The following STOML3 variants were observed in gnomAD, a reference collection of about 807,000 sequenced individuals.
STOML3 encodes stomatin like 3, also known as stomatin-like protein 3.
In STOML3, 31 loss-of-function variants were observed where a neutral mutation model predicts 29.5. That is an observed-to-expected ratio of 1.05 (90% CI 0.79 to 1.42). The LOEUF is 1.42. Among genes scored for constraint, STOML3 ranks in the 40% most tolerant of loss-of-function variants. STOML3 has a pLI of 0.00. For missense variants in STOML3, 380 were observed against 363.0 expected, an observed-to-expected ratio of 1.05 and a Z score of -0.38; for synonymous variants, 122 against 139.8, an observed-to-expected ratio of 0.87 and a Z score of 0.90.
rs752582769 is a variant in STOML3, at chr13:38,968,524, T to A, written c.527A>T (p.Asp176Val). 3 of 1,613,988 alleles carry A rather than the reference T, an allele frequency of 1.9e-6. No individual in the cohort carries two copies. Residue 176 changes from aspartate to valine, a missense_variant, in exon 6 of 7, where the codon GAT becomes GTT. Transcript: ENST00000379631. The stretch of plus-strand genomic sequence containing the variant: ...GATCCCCCACAGTTCGGTGGCATCA[T>A]CAAGTAAAGTCTGTTTCCAAATTAA... Reference protein sequence around the residue: ...EIAHSIQTLLDDATELWGIRV... With the variant: ...EIAHSIQTLLVDATELWGIRV...
chr13:38,981,266 G>A (rs1881259453), intron 1 of STOML3, among the ~76,000 whole-genome samples: 1 of 152,102 alleles, frequency 6.6e-6, no homozygotes, highest in South Asian at 2.1e-4. Context: ...AGGGAGTGAG[G>A]CAAAGCCAAG....
chr13:38,985,506 C>A (rs375749783), intron 1 of STOML3, among the ~76,000 whole-genome samples: 11 of 152,022 alleles, frequency 7.2e-5, no homozygotes, highest in East Asian at 3.8e-4. Flanking sequence ...CTTCTTTCTC[C>A]CCATTCTCCC....
chr13:38,986,267 T>G (rs929282027), intron 1 of STOML3, among the ~76,000 whole-genome samples: 12 of 151,988 alleles, frequency 7.9e-5, no homozygotes, highest in Non-Finnish European at 1.2e-4. Flanking sequence ...ACTCCTGACC[T>G]CAGGTGATCC....
chr13:38,974,976 A>G (rs1041928171), intron 3 of STOML3, among the ~76,000 whole-genome samples: 2 of 152,176 alleles, frequency 1.3e-5, no homozygotes, highest in Admixed American at 6.5e-5. Flanking sequence ...AAGAACATCT[A>G]TAAGTAGTTT....
chr13:38,970,158 C>T (rs765830392), intron 5 of STOML3, 27 bp downstream of exon 5: 12 of 1,583,372 alleles, frequency 7.6e-6, no homozygotes, highest in Non-Finnish European at 1.0e-5. Context: ...GTTAAAGATA[C>T]AGGCTATTAG....
intron 6 of STOML3, 99 bp downstream of exon 6, chr13:38,968,301 G>T: frequency 6.7e-7 from 1 of 1,491,054 alleles, no homozygotes; most frequent in Non-Finnish European, 9.0e-7. Context: ...CCTTTCTCAT[G>T]CAAATAATTG....
chr13:38,990,290 T>C lies in STOML3; in HGVS notation c.52+380A>G, dbSNP rs141830335. Among the ~76,000 whole-genome samples, 396 of 152,146 alleles carry C rather than the reference T, an allele frequency of 2.6e-3. 1 individual carries two copies. Among genetic ancestry groups the C allele is most frequent in the African/African-American group, 9.2e-3 (380 of 41,496 alleles). On this transcript the variant is annotated intron_variant, in intron 1 of 6. Coordinates refer to ENST00000379631, the MANE Select transcript of STOML3 (RefSeq NM_145286.3). ...TGTTATTTAATACAAAAAGAAGAAA[T>C]ACAAAGATAAACACCAATTCTATCT...
chr13:38,979,937 C>A, intron 1 of STOML3: 1 of 1,046,988 alleles, frequency 9.6e-7, no homozygotes. Context: ...GGGACTCCAA[C>A]AGGACACCAG....
chr13:38,982,306 TTTTC>T (rs1313763482), intron 1 of STOML3, among the ~76,000 whole-genome samples: 3 of 152,036 alleles, frequency 2.0e-5, no homozygotes, highest in African/African-American at 7.2e-5. Context: ...ATAAATTCTT[TTTTC>T]TTTGTTTTTA....
intron 1 of STOML3, among the ~76,000 whole-genome samples, chr13:38,988,915 AAT>A (rs67430868): frequency 7.0e-6 from 1 of 143,684 alleles, no homozygotes. Flanking sequence ...TAGAATACAT[AAT>A]ATATATACTA....
rs747673142 is a variant in STOML3 at position 38,972,559 on chromosome 13, C to T, written c.265G>A (p.Val89Ile). ...ILVLPCIDVF[V>I]KVDLRTVTCN... The stretch of plus-strand genomic sequence containing the variant: ...GTAACTGTTCGGAGGTCAACTTTGA[C>T]AAACACATCTATGCATGGCAGGACC... Residue 89 changes from valine to isoleucine, a missense_variant, in exon 4 of 7, where the codon GTC becomes ATC. Transcript: ENST00000379631. 2.4e-5 allele frequency: 38 copies of T among 1,614,024 alleles called. No homozygotes were observed. The highest frequency in any genetic ancestry group is 3.3e-4 in the Middle Eastern group (2 of 6,060).
In STOML3 at chr13:38,966,720, A is replaced by C. The variant is rs1452043707; in HGVS notation, c.*105T>G. On this transcript the variant is annotated 3_prime_UTR_variant, in exon 7 of 7. Transcript: ENST00000379631. ...CCAATGCTCTTCCATCTATGGAGTT[A>C]CTGTTACATGAACAGTGTTGGAATT... 9 of 945,568 alleles carry C rather than the reference A, an allele frequency of 9.5e-6. No homozygotes were observed. The East Asian group carries it at 2.2e-4, about 23-fold the overall frequency. The allele number at this position is 945,568 out of a possible 1,614,324, so 58.6% of individuals were successfully genotyped here. A position where few individuals can be genotyped will look rare whatever the true frequency, so the allele number is the denominator to read the frequency against.
intron 4 of STOML3, 137 bp from the exon 5 acceptor site, chr13:38,970,525 T>C (rs1880825115): frequency 1.5e-6 from 1 of 684,436 alleles, no homozygotes; most frequent in African/African-American, 1.8e-5. Context: ...CTAAAACCTG[T>C]CCTGGCTTGG....
intron 1 of STOML3, among the ~76,000 whole-genome samples, chr13:38,982,885 T>C (rs1881315877): frequency 6.6e-6 from 1 of 152,110 alleles, no homozygotes; most frequent in African/African-American, 2.4e-5. Flanking sequence ...CTGGCACAAA[T>C]GCACATCTAA....
Position 38,970,408 on chromosome 13 carries a change from C to CA in STOML3, c.313-21dup. The CA allele has an allele frequency of 6.2e-7, 1 of 1,602,244 alleles. No individual in the cohort carries two copies. The highest frequency in any genetic ancestry group is 8.5e-7 in the Non-Finnish European group (1 of 1,170,152). Reference sequence around the variant, plus strand: ...GAGGATCTGTGGAGTAAGAACAGGGCAAAATCACTTATTTATGACTTTCAC... The same window carrying CA: ...GAGGATCTGTGGAGTAAGAACAGGGCAAAAATCACTTATTTATGACTTTCAC... On this transcript the variant is annotated intron_variant, in intron 4 of 6. Coordinates refer to ENST00000379631, the MANE Select transcript of STOML3 (RefSeq NM_145286.3).
At chr13:38,980,110 C>A (rs1335904620) in intron 1 of STOML3, 2 of 1,551,648 alleles carry the variant, frequency 1.3e-6, no homozygotes, top group Non-Finnish European at 1.7e-6. Context: ...GCACATGAGG[C>A]TCAGCTCCAT....
chr13:38,967,028 T>C lies in STOML3; in HGVS notation c.673A>G (p.Met225Val), dbSNP rs752005564. ...GACTTCAGGGATTTGGAAGCATTCA[T>C]TTCTCCTTCAGCTGCAAGGACCTGA... Reference protein sequence around the residue: ...RAKVLAAEGEMNASKSLKSAS... With the variant: ...RAKVLAAEGEVNASKSLKSAS... Residue 225 changes from methionine (M) to valine (V), a missense_variant, in exon 7 of 7, where the codon ATG becomes GTG. Transcript: ENST00000379631. 1 of 1,613,962 alleles carries C rather than the reference T, an allele frequency of 6.2e-7. No homozygotes were observed. Among genetic ancestry groups the C allele is most frequent in the South Asian group, 1.1e-5 (1 of 91,066 alleles).
chr13:38,973,511 G>T (rs1880967591), intron 3 of STOML3, among the ~76,000 whole-genome samples: 1 of 152,168 alleles, frequency 6.6e-6, no homozygotes, highest in Non-Finnish European at 1.5e-5. Context: ...GTGGTGTCCT[G>T]GGAGGGACAT....
Position 38,988,312 on chromosome 13 carries a change from AT to A in STOML3, c.52+2357del, listed in dbSNP as rs1160273804. 6.0e-4 allele frequency among the ~76,000 whole-genome samples: 43 copies of A among 71,156 alleles called. 8 individuals carry two copies. The highest frequency in any genetic ancestry group is 3.2e-3 in the African/African-American group (41 of 12,996). The allele number at this position is 71,156 out of a possible 152,430, so 46.7% of individuals were successfully genotyped here. A position where few individuals can be genotyped will look rare whatever the true frequency, so the allele number is the denominator to read the frequency against. ...ATATTTTATATCATATATTTTATAT[AT>A]AATATATTATATTTTATATATAATA... is the stretch of plus-strand genomic sequence containing the variant. On this transcript the variant is annotated intron_variant, in intron 1 of 6. Coordinates refer to ENST00000379631, the MANE Select transcript of STOML3 (RefSeq NM_145286.3).
Sources: gnomAD v4.1 joint callset for allele counts (sites outside exome capture counted in the v4.1 genomes callset) on GRCh38, gnomAD v4.1.1 for gene constraint, MANE v1.5 for transcripts, NCBI Gene and HGNC (gene_info 2026-07-23, HGNC 2026-07-21) for gene names.